NCK1: variants seen among roughly 807,000 people sequenced by gnomAD.
NCK1 encodes NCK adaptor protein 1.
A neutral mutation model predicts 36.6 loss-of-function variants in NCK1; 19 were observed. The observed-to-expected ratio is 0.52, with a 90% CI of 0.36 to 0.76. NCK1 has a LOEUF of 0.76. Ranked by LOEUF, NCK1 falls within the 30% of genes least tolerant of loss-of-function variation. The probability of loss-of-function intolerance (pLI) is 0.00; values close to 1 mark genes in which losing one functional copy is unlikely to be tolerated. For missense variants in NCK1, 358 were observed against 445.6 expected (o/e 0.80, Z 1.77); for synonymous variants, 165 against 156.0 (o/e 1.06, Z -0.43).
At chr3:136,907,244 G>A (rs1939709734) in intron 1 of NCK1, among the ~76,000 whole-genome samples, 1 of 152,146 alleles carries the variant, frequency 6.6e-6, no homozygotes, top group Non-Finnish European at 1.5e-5. Context: ...TGCTGCCAGT[G>A]GCTTTGGTCT....
chr3:136,898,598 A>T (rs1230343718), intron 1 of NCK1, among the ~76,000 whole-genome samples: 1 of 152,194 alleles, frequency 6.6e-6, no homozygotes, highest in African/African-American at 2.4e-5. Flanking sequence ...ACTATGAAAA[A>T]ATTTGGCTAA....
At chr3:136,927,810 C>T (rs939787328) in intron 1 of NCK1, among the ~76,000 whole-genome samples, 174 bp from the exon 2 acceptor site, 28 of 152,302 alleles carry the variant, frequency 1.8e-4, no homozygotes, top group East Asian at 1.9e-4. Context: ...TGAGCCACTG[C>T]GCACGGCCAT....
At chr3:136,924,729 T>A (rs12629000) in intron 1 of NCK1, among the ~76,000 whole-genome samples, 115,640 of 152,144 alleles carry the variant, frequency 0.76, 44,303 homozygotes, top group East Asian at 0.92. Flanking sequence ...ACACTGCCAT[T>A]AGGCAGGAGG....
At chr3:136,905,749 T>G (rs1939667178) in intron 1 of NCK1, among the ~76,000 whole-genome samples, 1 of 151,924 alleles carries the variant, frequency 6.6e-6, no homozygotes, top group Non-Finnish European at 1.5e-5. Context: ...CCTCAGCTTC[T>G]GAGTAGCTGG....
At chr3:136,928,864 A>G (rs1353400609) in intron 2 of NCK1, 1 of 149,310 alleles carries the variant, frequency 6.7e-6, no homozygotes, top group Non-Finnish European at 1.5e-5. Flanking sequence ...TCTTCTTTAA[A>G]AAAAAAAAAA....
intron 1 of NCK1, among the ~76,000 whole-genome samples, chr3:136,903,896 G>C (rs961704840): frequency 2.0e-5 from 3 of 152,054 alleles, no homozygotes; most frequent in African/African-American, 4.8e-5. Context: ...GTTTTCTGTA[G>C]TTGTGAGTCT....
At chr3:136,886,706 T>G (rs1939081891) in intron 1 of NCK1, among the ~76,000 whole-genome samples, 1 of 152,206 alleles carries the variant, frequency 6.6e-6, no homozygotes, top group African/African-American at 2.4e-5. Context: ...GGAAACTTTC[T>G]TGTATGCCTT....
At chr3:136,866,171 C>A (rs1249249743) in intron 1 of NCK1, among the ~76,000 whole-genome samples, 2 of 152,114 alleles carry the variant, frequency 1.3e-5, no homozygotes, top group African/African-American at 4.8e-5. Flanking sequence ...CTGGGGCCAG[C>A]ACTATTTCTT....
At chr3:136,902,851 T>A (rs373028873) in intron 1 of NCK1, among the ~76,000 whole-genome samples, 5 of 152,338 alleles carry the variant, frequency 3.3e-5, no homozygotes, top group South Asian at 4.1e-4. Flanking sequence ...CTAAATAAAT[T>A]CAGTAAAGTT....
At chr3:136,917,714 G>A (rs1940005073) in intron 1 of NCK1, among the ~76,000 whole-genome samples, 1 of 152,182 alleles carries the variant, frequency 6.6e-6, no homozygotes, top group Admixed American at 6.5e-5. Flanking sequence ...TAAAGGTCAC[G>A]TTTCTTTATT....
In NCK1 at chr3:136,946,066, G is replaced by A; in HGVS notation, c.710G>A (p.Gly237Asp). The A allele has an allele frequency of 3.7e-6, 6 of 1,613,878 alleles. No homozygotes were observed. The highest frequency in any genetic ancestry group is 5.1e-6 in the Non-Finnish European group (6 of 1,179,940). ...TGGTGGAAATGCAGGAAGATCAATGGTATGGTTGGTCTAGTACCAAAAAAC... is the reference window on the plus strand; with the variant it reads ...TGGTGGAAATGCAGGAAGATCAATGATATGGTTGGTCTAGTACCAAAAAAC... Reference protein sequence around the residue: ...PEWWKCRKINGMVGLVPKNYV... With the variant: ...PEWWKCRKINDMVGLVPKNYV... Residue 237 changes from glycine (G) to aspartate (D), a missense_variant, in exon 3 of 4, where the codon GGT becomes GAT. Physicochemically the swap from Gly to Asp is moderately conservative, Grantham distance 94 (BLOSUM62 -1). Around this residue, in one of 3 missense-constraint regions of NCK1, gnomAD observed 207 missense variants for 253.4 expected, o/e 0.82. Transcript: ENST00000481752.
At chr3:136,876,941 G>C (rs1938792475) in intron 1 of NCK1, among the ~76,000 whole-genome samples, 1 of 152,120 alleles carries the variant, frequency 6.6e-6, no homozygotes, top group South Asian at 2.1e-4. Flanking sequence ...ATTTAGAAAA[G>C]ACATTCCAAT....
intron 2 of NCK1, among the ~76,000 whole-genome samples, chr3:136,930,769 T>G (rs1440974828): frequency 2.0e-5 from 3 of 152,206 alleles, no homozygotes; most frequent in African/African-American, 7.2e-5. Flanking sequence ...TAGTTTCGAC[T>G]TGGTAAGTAA....
At chr3:136,939,925 A>G (rs189780277) in intron 2 of NCK1, among the ~76,000 whole-genome samples, 205 of 141,312 alleles carry the variant, frequency 1.5e-3, no homozygotes, top group African/African-American at 5.1e-3. Context: ...ATCATGGCTC[A>G]CTGTAGCCTT....
At chr3:136,905,007 CTTTTTTT>C (rs71304270) in intron 1 of NCK1, among the ~76,000 whole-genome samples, 3 of 128,346 alleles carry the variant, frequency 2.3e-5, no homozygotes, top group African/African-American at 5.9e-5. Flanking sequence ...TTGGTTTTTC[CTTTTTTT>C]TTTTTTTTTT....
intron 1 of NCK1, among the ~76,000 whole-genome samples, chr3:136,893,189 T>TACAC (rs1487055285): frequency 2.4e-4 from 29 of 123,042 alleles, no homozygotes; most frequent in East Asian, 5.3e-4. Context: ...TATATATATA[T>TACAC]ATACACACAT....
In NCK1 at chr3:136,918,058, C is replaced by T. The variant is rs556446252; in HGVS notation, c.-18-9926C>T. On this transcript the variant is annotated intron_variant, in intron 1 of 3. Transcript: ENST00000481752. Reference sequence around the variant, plus strand: ...TACACCCTTAGAGTTCAAGGCAGGCCGTTTGTTTTTATATTACATTTAAAA... The same window carrying T: ...TACACCCTTAGAGTTCAAGGCAGGCTGTTTGTTTTTATATTACATTTAAAA... Among the ~76,000 whole-genome samples, 32 of 151,986 alleles carry T rather than the reference C, an allele frequency of 2.1e-4. 1 individual carries two copies. The highest frequency in any genetic ancestry group is 5.3e-4 in the African/African-American group (22 of 41,352).
chr3:136,940,638 A>C (rs996154106), intron 2 of NCK1, among the ~76,000 whole-genome samples: 1 of 151,956 alleles, frequency 6.6e-6, no homozygotes, highest in Non-Finnish European at 1.5e-5. Flanking sequence ...TCCGCCTCCC[A>C]GGTTCAAGCG....
Position 136,872,266 on chromosome 3 carries a change from G to A in NCK1, c.-19+9913G>A, listed in dbSNP as rs190267219. 1.9e-3 allele frequency among the ~76,000 whole-genome samples: 292 copies of A among 152,312 alleles called. 1 individual carries two copies. Among genetic ancestry groups the A allele is most frequent in the African/African-American group, 6.7e-3 (280 of 41,572 alleles). ...GGTTTCAGATGGAGATGGGGAACTT[G>A]TTGGGAACTGGAGCAAAGGTGACTC... On this transcript the variant is annotated intron_variant, in intron 1 of 3. Coordinates refer to ENST00000481752, the MANE Select transcript of NCK1 (RefSeq NM_001291999.2).
Sources: allele counts gnomAD v4.1 joint callset (sites outside exome capture counted in the v4.1 genomes callset), GRCh38; gene constraint gnomAD v4.1.1; regional missense constraint gnomAD v4.1.1; transcripts MANE v1.5; gene names NCBI Gene and HGNC (gene_info 2026-07-23, HGNC 2026-07-21).